The following PRKAG3 variants were observed in gnomAD, a reference collection of about 807,000 sequenced individuals.
PRKAG3 encodes 5'-AMP-activated protein kinase subunit gamma-3.
In PRKAG3, 39 loss-of-function variants were observed where a neutral mutation model predicts 56.5. The ratio of observed to expected loss-of-function variants is 0.69; its 90% CI spans 0.53 to 0.90. The LOEUF is 0.90. Among genes scored for constraint, PRKAG3 ranks in the 40% least tolerant of loss-of-function variants. PRKAG3 has a pLI of 0.00. For missense variants in PRKAG3, 628 were observed against 627.5 expected (o/e 1.00, Z -0.01); for synonymous variants, 243 against 250.1 (o/e 0.97, Z 0.27).
chr2:218,823,832 A>G, exon 13 of PRKAG3: 2 of 1,614,114 alleles, frequency 1.2e-6, no homozygotes, highest in Non-Finnish European at 1.7e-6. Context: ...GAGGGAGACC[A>G]CGCCCAAGAG....
At position 218,827,034 on chromosome 2, in the gene PRKAG3, G is replaced by A; in HGVS notation, c.1062C>T (p.Gly354=). ...GCACCACAGCCAAGTCTCGGAATGTGCCGATGCCCAAATCTTGGATAGTGC... is the reference window on the plus strand; with the variant it reads ...GCACCACAGCCAAGTCTCGGAATGTACCGATGCCCAAATCTTGGATAGTGC... The change falls in exon 10 of 13, where the codon GGC becomes GGT. Residue 354 remains glycine (G), a synonymous_variant. Coordinates refer to ENST00000529249, the Ensembl canonical transcript of PRKAG3. The surrounding 1 kb of genome is among the most constrained non-coding windows in gnomAD (Gnocchi z 5.3). The A allele has an allele frequency of 6.2e-7, 1 of 1,614,094 alleles. No individual in the cohort carries two copies. Among genetic ancestry groups the A allele is most frequent in the Non-Finnish European group, 8.5e-7 (1 of 1,180,050 alleles).
exon 4 of PRKAG3, chr2:218,830,112 A>G (rs1320159112): frequency 1.9e-6 from 3 of 1,612,904 alleles, no homozygotes; most frequent in Non-Finnish European, 1.7e-6. Flanking sequence ...AGCTTGGGAA[A>G]TGGGGCCTGC....
Position 218,827,959 on chromosome 2 carries a change from C to T in PRKAG3, c.774+45G>A, listed in dbSNP as rs1432134324. On this transcript the variant is annotated intron_variant, in intron 6 of 12. Coordinates refer to ENST00000529249, the Ensembl canonical transcript of PRKAG3. The surrounding 1 kb of genome is among the most constrained non-coding windows in gnomAD (Gnocchi z 5.3). ...AGGCTCCAGGAGGACTCCCCTCCGCCCCCGCCCCTCTGGGTGCCCATAAGA... is the reference window on the plus strand; with the variant it reads ...AGGCTCCAGGAGGACTCCCCTCCGCTCCCGCCCCTCTGGGTGCCCATAAGA... 6.9e-6 allele frequency: 11 copies of T among 1,597,778 alleles called. No homozygotes were observed. Among genetic ancestry groups the T allele is most frequent in the Non-Finnish European group, 9.4e-6 (11 of 1,170,996 alleles).
At chr2:218,831,118 T>C (rs10193156) in intron 2 of PRKAG3, among the ~76,000 whole-genome samples, 7,471 of 152,178 alleles carry the variant, frequency 0.049, 610 homozygotes, top group African/African-American at 0.17. Flanking sequence ...AGCAATTTGC[T>C]GCAAATCACA....
At chr2:218,830,688 C>A in intron 3 of PRKAG3, 58 bp downstream of exon 3, 1 of 1,580,342 alleles carries the variant, frequency 6.3e-7, no homozygotes, top group African/African-American at 1.3e-5. Flanking sequence ...GACCCAGGCT[C>A]CTCTGGGATT....
At chr2:218,824,450 G>T in intron 11 of PRKAG3, 82 bp from the exon 12 acceptor site, 2 of 1,610,854 alleles carry the variant, frequency 1.2e-6, no homozygotes, top group Admixed American at 3.3e-5. Flanking sequence ...CTGCATACTT[G>T]TCAAGGTCCC....
In PRKAG3 at chr2:218,827,757, C is replaced by G; in HGVS notation, c.820+76G>C. 4 of 1,572,040 alleles carry G rather than the reference C, an allele frequency of 2.5e-6. No homozygotes were observed. The highest frequency in any genetic ancestry group is 3.5e-6 in the Non-Finnish European group (4 of 1,142,466). Reference sequence around the variant, plus strand: ...CCTCCCCTGTTCACTCCAGGACATCCCCACTGCCCATCCTCCACCTTAAGC... The same window carrying G: ...CCTCCCCTGTTCACTCCAGGACATCGCCACTGCCCATCCTCCACCTTAAGC... On this transcript the variant is annotated intron_variant, in intron 7 of 12. Transcript: ENST00000529249. The surrounding 1 kb of genome is among the most constrained non-coding windows in gnomAD (Gnocchi z 5.3).
rs1943940908 is a variant in PRKAG3, at chr2:218,826,934, C to T, written c.1162G>A (p.Glu388Lys). The T allele has an allele frequency of 6.2e-6, 10 of 1,614,088 alleles. No individual in the cohort carries two copies. Among genetic ancestry groups the T allele is most frequent in the South Asian group, 4.4e-5 (4 of 91,058 alleles). The change falls in exon 10 of 13, where the codon GAA becomes AAA. Residue 388 changes from glutamate to lysine, a missense_variant. By Grantham distance (56) the Glu-to-Lys change is moderately conservative (BLOSUM62 1). Coordinates refer to ENST00000529249, the Ensembl canonical transcript of PRKAG3. ...TCATCCTGGGGGTGGGTACCACATT[C>T]GTTGACCACAGGCAGTGCAGACACA...
At chr2:218,829,795 G>A (rs1036884706) in intron 4 of PRKAG3, among the ~76,000 whole-genome samples, 183 bp downstream of exon 4, 4 of 152,310 alleles carry the variant, frequency 2.6e-5, no homozygotes, top group South Asian at 4.1e-4. Context: ...TGACAATTAC[G>A]TGTGCTAACA....
At chr2:218,824,244 A>G in exon 12 of PRKAG3, 1 of 1,614,090 alleles carries the variant, frequency 6.2e-7, no homozygotes, top group Non-Finnish European at 8.5e-7. Context: ...AATCCTGTCG[A>G]TCACTTCCCC....
chr2:218,828,643 C>T (rs1288042157), intron 4 of PRKAG3, 43 bp from the exon 5 acceptor site: 35 of 1,531,616 alleles, frequency 2.3e-5, no homozygotes, highest in Non-Finnish European at 3.1e-5. Context: ...TCCCGAGAGA[C>T]CCTCACCCCC....
At chr2:218,826,417 C>T (rs903421436) in intron 10 of PRKAG3, among the ~76,000 whole-genome samples, 3 of 152,096 alleles carry the variant, frequency 2.0e-5, no homozygotes, top group Non-Finnish European at 4.4e-5. Flanking sequence ...GCTGGGGGCC[C>T]GAGGTCCCAT....
chr2:218,824,149 G>A, intron 12 of PRKAG3, 73 bp downstream of exon 12: 1 of 1,610,418 alleles, frequency 6.2e-7, no homozygotes, highest in South Asian at 1.1e-5. Context: ...CCGATGTTCA[G>A]GGATGGCTGG....
intron 10 of PRKAG3, among the ~76,000 whole-genome samples, chr2:218,824,848 C>T (rs77777683): frequency 0.027 from 4,172 of 152,212 alleles, 196 homozygotes; most frequent in African/African-American, 0.094. Context: ...TTTCAGTTTA[C>T]AGGAAACCCA....
chr2:218,828,986 A>C (rs947636314), intron 4 of PRKAG3, among the ~76,000 whole-genome samples: 1 of 152,180 alleles, frequency 6.6e-6, no homozygotes, highest in Non-Finnish European at 1.5e-5. Context: ...TTGCATATTT[A>C]CATACTTTTT....
intron 4 of PRKAG3, 81 bp from the exon 5 acceptor site, chr2:218,828,681 A>T (rs748476319): frequency 1.6e-6 from 2 of 1,229,408 alleles, no homozygotes; most frequent in Non-Finnish European, 2.3e-6. Flanking sequence ...CGCACCTCCC[A>T]TCTGCCTGCT....
At chr2:218,826,620 T>A (rs1320054677) in intron 10 of PRKAG3, 1 of 385,602 alleles carries the variant, frequency 2.6e-6, no homozygotes, top group Admixed American at 3.7e-5. Context: ...CATTTTAAGA[T>A]GAACTGAAAC....
chr2:218,824,632 C>A (rs1414238993), intron 10 of PRKAG3, 56 bp from the exon 11 acceptor site: 2 of 1,507,404 alleles, frequency 1.3e-6, no homozygotes, highest in East Asian at 4.5e-5. Context: ...AGGCTCCGGT[C>A]AGAACCGGGG....
At position 218,831,513 on chromosome 2, in the gene PRKAG3, T is replaced by TA. The variant is rs113902387; in HGVS notation, c.34-139dup. The TA allele has an allele frequency of 1.5e-5, 15 of 991,812 alleles. 1 individual carries two copies. The African/African-American group carries it at 1.6e-4, about 11-fold the overall frequency. The allele number at this position is 991,812 out of a possible 1,614,324, so 61.4% of individuals were successfully genotyped here. A position where few individuals can be genotyped will look rare whatever the true frequency, so the allele number is the denominator to read the frequency against. On this transcript the variant is annotated intron_variant, in intron 1 of 12. Coordinates refer to ENST00000529249, the Ensembl canonical transcript of PRKAG3. ...CACGCCATACACAGACATGCAGCCA[T>TA]ACACAAACACACACAGAAACACACA... is the stretch of plus-strand genomic sequence containing the variant.
Sources: gnomAD v4.1 joint callset for allele counts (sites outside exome capture counted in the v4.1 genomes callset) on GRCh38, gnomAD v4.1.1 for gene constraint, Gnocchi (gnomAD v3.1) non-coding constraint, MANE v1.5 for transcripts, NCBI Gene and HGNC (gene_info 2026-07-23, HGNC 2026-07-21) for gene names.